Variants in CDH12 observed in about 807,000 individuals in gnomAD.
CDH12 encodes the protein cadherin 12.
In CDH12, 41 loss-of-function variants were observed where a neutral mutation model predicts 74.1. The observed-to-expected ratio is 0.55, with a 90% CI of 0.43 to 0.72. CDH12 has a LOEUF of 0.72. Among genes scored for constraint, CDH12 ranks in the 30% least tolerant of loss-of-function variants. CDH12 has a pLI of 0.00. For missense variants in CDH12, 945 were observed against 977.2 expected, an observed-to-expected ratio of 0.97 and a Z score of 0.44; for synonymous variants, 399 against 355.0, an observed-to-expected ratio of 1.12 and a Z score of -1.39.
chr5:22,115,997 G>A (rs1002620004), intron 4 of CDH12, among the ~76,000 whole-genome samples: 2 of 152,142 alleles, frequency 1.3e-5, no homozygotes, highest in Admixed American at 6.6e-5. Context: ...GCTGGTCCTC[G>A]TGACTTTTAT....
intron 4 of CDH12, among the ~76,000 whole-genome samples, chr5:22,108,490 A>G (rs1299241826): frequency 2.0e-5 from 3 of 152,260 alleles, no homozygotes; most frequent in Admixed American, 1.3e-4. Flanking sequence ...ATACTCTGGA[A>G]TGATTGTTTT....
intron 4 of CDH12, chr5:22,152,048 C>T (rs1202343910): frequency 2.0e-5 from 3 of 152,058 alleles, no homozygotes; most frequent in African/African-American, 4.8e-5. Context: ...GATAACAGCT[C>T]ACGGAGCTGT....
intron 4 of CDH12, among the ~76,000 whole-genome samples, chr5:22,108,650 A>C (rs537842863): frequency 7.9e-5 from 12 of 152,344 alleles, no homozygotes; most frequent in African/African-American, 2.6e-4. Flanking sequence ...GAGAGAAAAA[A>C]GTAGATAGGA....
At chr5:22,586,837 A>ATTTTTT (rs11417237) in intron 1 of CDH12, among the ~76,000 whole-genome samples, 1 of 105,448 alleles carries the variant, frequency 9.5e-6, no homozygotes, top group Non-Finnish European at 1.8e-5. Flanking sequence ...TTAGAGGAGG[A>ATTTTTT]TTTTTTTTTT....
chr5:22,288,575 A>C (rs911735706), intron 3 of CDH12, among the ~76,000 whole-genome samples: 4 of 152,208 alleles, frequency 2.6e-5, no homozygotes, highest in African/African-American at 9.6e-5. Flanking sequence ...ACAGAAGAAG[A>C]ATAAGTTAGT....
intron 4 of CDH12, among the ~76,000 whole-genome samples, chr5:22,165,566 TG>T (rs1169877870): frequency 6.6e-6 from 1 of 152,064 alleles, no homozygotes; most frequent in Non-Finnish European, 1.5e-5. Flanking sequence ...ACACTCTTAC[TG>T]TGTTTCACTT....
intron 1 of CDH12, among the ~76,000 whole-genome samples, chr5:22,715,250 A>G (rs866179606): frequency 7.2e-5 from 11 of 152,166 alleles, no homozygotes; most frequent in Non-Finnish European, 1.5e-4. Context: ...GAAAAATGTA[A>G]TTTGACTATA....
intron 1 of CDH12, among the ~76,000 whole-genome samples, chr5:22,741,500 T>G (rs906461647): frequency 2.0e-5 from 3 of 152,290 alleles, no homozygotes; most frequent in Admixed American, 2.0e-4. Flanking sequence ...TTGTTGTTGT[T>G]TTTAATTCTG....
chr5:22,507,129 T>C (rs1333070519), intron 1 of CDH12, among the ~76,000 whole-genome samples: 2 of 152,086 alleles, frequency 1.3e-5, no homozygotes, highest in East Asian at 3.9e-4. Context: ...GAAAAGCAGC[T>C]TTTAATACCG....
At chr5:22,049,385 G>C (rs571859285) in intron 5 of CDH12, among the ~76,000 whole-genome samples, 2 of 152,082 alleles carry the variant, frequency 1.3e-5, no homozygotes, top group Non-Finnish European at 2.9e-5. Context: ...AGGTTTAGCA[G>C]CTTTTGATTT....
At chr5:22,638,383 G>A (rs1738949375) in intron 1 of CDH12, among the ~76,000 whole-genome samples, 1 of 151,798 alleles carries the variant, frequency 6.6e-6, no homozygotes, top group Non-Finnish European at 1.5e-5. Flanking sequence ...TCCGAAAGCT[G>A]AAAAACTTGG....
At chr5:22,632,196 C>A (rs1263685284) in intron 1 of CDH12, among the ~76,000 whole-genome samples, 1 of 152,080 alleles carries the variant, frequency 6.6e-6, no homozygotes, top group Non-Finnish European at 1.5e-5. Flanking sequence ...CCTACACATA[C>A]ACCTCTGATA....
intron 5 of CDH12, among the ~76,000 whole-genome samples, chr5:21,999,384 G>A (rs1226361158): frequency 6.6e-6 from 1 of 152,094 alleles, no homozygotes; most frequent in African/African-American, 2.4e-5. Flanking sequence ...AAAAGCAAAT[G>A]AAAATTGACT....
At chr5:22,800,316 TC>T (rs1170981743) in intron 1 of CDH12, among the ~76,000 whole-genome samples, 1 of 152,198 alleles carries the variant, frequency 6.6e-6, no homozygotes, top group Non-Finnish European at 1.5e-5. Context: ...GGAGTTTTTT[TC>T]TTACTGCTTA....
At chr5:22,049,167 C>T (rs553790558) in intron 5 of CDH12, among the ~76,000 whole-genome samples, 1 of 152,058 alleles carries the variant, frequency 6.6e-6, no homozygotes, top group East Asian at 1.9e-4. Flanking sequence ...GGTATTGATA[C>T]ATACATATGC....
chr5:21,798,139 C>T (rs71601512), intron 10 of CDH12, among the ~76,000 whole-genome samples: 2 of 151,874 alleles, frequency 1.3e-5, no homozygotes, highest in African/African-American at 2.4e-5. Context: ...ACAGAACATC[C>T]TAGGGCTTCA....
rs537274606 is a variant in CDH12, at chr5:22,764,921, T to C, written c.-523+88137A>G. The stretch of plus-strand genomic sequence containing the variant: ...TAAAGAGATAAGACGACGGAATGCA[T>C]TGAGTCCCAGAAGGAGGGATTAGCA... On this transcript the variant is annotated intron_variant, in intron 1 of 14. Coordinates refer to ENST00000382254, the MANE Select transcript of CDH12 (RefSeq NM_004061.5). Among the ~76,000 whole-genome samples the C allele has an allele frequency of 8.5e-5, 13 of 152,074 alleles. No homozygotes were observed. In the East Asian group the frequency reaches 2.1e-3, roughly 25 times the overall value.
chr5:22,713,665 G>A (rs1423456800), intron 1 of CDH12, among the ~76,000 whole-genome samples: 1 of 151,966 alleles, frequency 6.6e-6, no homozygotes, highest in Non-Finnish European at 1.5e-5. Flanking sequence ...ATAATAAATA[G>A]GTAGATAGAT....
At chr5:22,479,851 G>A (rs1033317751) in intron 2 of CDH12, among the ~76,000 whole-genome samples, 9 of 152,066 alleles carry the variant, frequency 5.9e-5, no homozygotes, top group Admixed American at 2.0e-4. Context: ...GTAATTAAAA[G>A]AGAACTAAAA....
Sources: allele counts gnomAD v4.1 joint callset (sites outside exome capture counted in the v4.1 genomes callset), GRCh38; gene constraint gnomAD v4.1.1; transcripts MANE v1.5; gene names NCBI Gene and HGNC (gene_info 2026-07-23, HGNC 2026-07-21).